ATXN7L1: variants seen among roughly 807,000 people sequenced by gnomAD.
ATXN7L1 encodes the protein ataxin-7-like protein 1.
ATXN7L1 carries 15 observed loss-of-function variants against 70.8 expected under a neutral mutation model. The ratio of observed to expected loss-of-function variants is 0.21; its 90% CI spans 0.14 to 0.33. The LOEUF (loss-of-function observed/expected upper bound fraction) is 0.33. ATXN7L1 is among the 10% of genes least tolerant of loss of function. ATXN7L1 has a pLI of 1.00. For synonymous variants in ATXN7L1, 440 were observed against 445.1 expected, an observed-to-expected ratio of 0.99 and a Z score of 0.14; for missense variants, 975 against 1,097.1, an observed-to-expected ratio of 0.89 and a Z score of 1.57.
chr7:105,872,349 CT>C (rs1251298432), intron 2 of ATXN7L1, among the ~76,000 whole-genome samples: 2 of 152,098 alleles, frequency 1.3e-5, no homozygotes, highest in Admixed American at 6.6e-5. Context: ...TGAGTTTAGT[CT>C]ATTAAAAATA....
chr7:105,865,463 G>A (rs895750756), intron 2 of ATXN7L1, among the ~76,000 whole-genome samples: 15 of 151,220 alleles, frequency 9.9e-5, no homozygotes, highest in South Asian at 6.3e-4. Context: ...GTGCAGTGGC[G>A]CGATCTCAGC....
intron 4 of ATXN7L1, among the ~76,000 whole-genome samples, chr7:105,646,513 G>A (rs1450658299): frequency 6.6e-6 from 1 of 152,104 alleles, no homozygotes; most frequent in East Asian, 1.9e-4. Context: ...GGCCTCTTGG[G>A]TTCAAGTGAT....
At chr7:105,821,468 G>A (rs1810150146) in intron 2 of ATXN7L1, among the ~76,000 whole-genome samples, 1 of 152,236 alleles carries the variant, frequency 6.6e-6, no homozygotes, top group South Asian at 2.1e-4. Flanking sequence ...CTAACCTCAG[G>A]AGAGTGGCTA....
intron 3 of ATXN7L1, among the ~76,000 whole-genome samples, chr7:105,785,639 C>T (rs557474270): frequency 2.0e-5 from 3 of 152,098 alleles, no homozygotes; most frequent in African/African-American, 4.8e-5. Context: ...TTGCGTCCCT[C>T]GCAAATTCCT....
At chr7:105,676,733 G>C (rs1009428943) in intron 3 of ATXN7L1, among the ~76,000 whole-genome samples, 2 of 152,014 alleles carry the variant, frequency 1.3e-5, no homozygotes, top group Non-Finnish European at 2.9e-5. Context: ...CCAGCTACTC[G>C]GGAGGCCGAG....
chr7:105,632,314 G>A (rs1796709019), intron 7 of ATXN7L1, among the ~76,000 whole-genome samples: 1 of 152,112 alleles, frequency 6.6e-6, no homozygotes, highest in Non-Finnish European at 1.5e-5. Context: ...GTATCTTGTG[G>A]TAAACAACCA....
intron 3 of ATXN7L1, among the ~76,000 whole-genome samples, chr7:105,728,936 T>C (rs991902080): frequency 6.6e-5 from 10 of 151,930 alleles, no homozygotes; most frequent in African/African-American, 2.4e-4. Context: ...AAAATAAAGA[T>C]CTATGAGTCC....
chr7:105,768,331 G>A (rs960133835), intron 3 of ATXN7L1, among the ~76,000 whole-genome samples: 22 of 152,204 alleles, frequency 1.4e-4, no homozygotes, highest in African/African-American at 5.3e-4. Flanking sequence ...AAGGTTGCAA[G>A]GGACTCCCAA....
At chr7:105,856,979 A>G (rs763923150) in intron 2 of ATXN7L1, among the ~76,000 whole-genome samples, 4 of 152,232 alleles carry the variant, frequency 2.6e-5, no homozygotes, top group Non-Finnish European at 5.9e-5. Context: ...GAGTGTGTCT[A>G]CAACTGGAAT....
Position 105,621,446 on chromosome 7 carries a change from G to C in ATXN7L1, c.1396-1125C>G, listed in dbSNP as rs1790054. Among the ~76,000 whole-genome samples the C allele has an allele frequency of 9.9e-3, 1,509 of 152,240 alleles. 16 individuals carry two copies. The highest frequency in any genetic ancestry group is 0.034 in the African/African-American group (1,424 of 41,528). On this transcript the variant is annotated intron_variant, in intron 8 of 11. Coordinates refer to ENST00000419735, the MANE Select transcript of ATXN7L1 (RefSeq NM_020725.2). ...ATTCGACTATCAGTGTATAGACAGG[G>C]GAGCCCATCCTCTTCCTTCTCCTTA...
chr7:105,700,824 G>A (rs1792358247), intron 3 of ATXN7L1, among the ~76,000 whole-genome samples: 2 of 152,074 alleles, frequency 1.3e-5, no homozygotes, highest in East Asian at 1.9e-4. Context: ...TGCGACTACA[G>A]GCGCACACTA....
chr7:105,754,569 T>G (rs12538850), intron 3 of ATXN7L1, among the ~76,000 whole-genome samples: 25,143 of 151,880 alleles, frequency 0.17, 2,452 homozygotes, highest in African/African-American at 0.27. Context: ...CAAGGGACCC[T>G]CCCACCTCAG....
Position 105,731,766 on chromosome 7 carries a change from A to AAGAAAAG in ATXN7L1, c.355+56831_355+56837dup, listed in dbSNP as rs368572655. On this transcript the variant is annotated intron_variant, in intron 3 of 11. Transcript: ENST00000419735. ...ACTCCTTAAAAAGAAAAGAAAAGAA[A>AAGAAAAG]AGAAAAGAAAAGAAAAGAAAAGAAA... Among the ~76,000 whole-genome samples, 42 of 147,798 alleles carry AAGAAAAG rather than the reference A, an allele frequency of 2.8e-4. 1 individual carries two copies. Among genetic ancestry groups the AAGAAAAG allele is most frequent in the Admixed American group, 6.1e-4 (9 of 14,876 alleles).
chr7:105,665,217 G>C lies in ATXN7L1; in HGVS notation c.427C>G (p.Leu143Val), dbSNP rs1415305899. 3 of 1,551,736 alleles carry C rather than the reference G, an allele frequency of 1.9e-6. No individual in the cohort carries two copies. In the South Asian group the frequency reaches 3.6e-5, roughly 18 times the overall value. The change falls in exon 4 of 12, where the codon CTA becomes GTA. Residue 143 changes from leucine (L) to valine (V), a missense_variant. By Grantham distance (32) the Leu-to-Val change is conservative. Transcript: ENST00000419735. ...VSPASNPRTS[L>V]VQVKTKACLS... ...CAGGCTTTTGTTTTCACCTGTACTA[G>C]TGATGTCCTGGGATTGGAGGCTGGA...
At chr7:105,697,301 C>G (rs919779481) in intron 3 of ATXN7L1, among the ~76,000 whole-genome samples, 1 of 151,874 alleles carries the variant, frequency 6.6e-6, no homozygotes, top group South Asian at 2.1e-4. Context: ...CCATAAGAGA[C>G]AGGTACGCCC....
intron 3 of ATXN7L1, among the ~76,000 whole-genome samples, chr7:105,667,685 C>A (rs1467996394): frequency 1.3e-5 from 1 of 78,192 alleles, no homozygotes; most frequent in Non-Finnish European, 2.5e-5. Flanking sequence ...GGCGACAGAG[C>A]GAGACTCCGT....
At chr7:105,758,613 G>C (rs2116405062) in intron 3 of ATXN7L1, among the ~76,000 whole-genome samples, 1 of 152,366 alleles carries the variant, frequency 6.6e-6, no homozygotes, top group South Asian at 2.1e-4. Context: ...CACTCTGAAA[G>C]GGGGCCCTCC....
chr7:105,753,489 G>C (rs1019930427), intron 3 of ATXN7L1, among the ~76,000 whole-genome samples: 1 of 152,164 alleles, frequency 6.6e-6, no homozygotes, highest in African/African-American at 2.4e-5. Flanking sequence ...TTTTTATTTA[G>C]ATATTTTGCT....
At chr7:105,610,989 C>T (rs1050372920) in intron 10 of ATXN7L1, among the ~76,000 whole-genome samples, 5 of 152,252 alleles carry the variant, frequency 3.3e-5, no homozygotes, top group African/African-American at 1.2e-4. Flanking sequence ...ATACCTCTGA[C>T]CCTCCGTCCC....
Sources: allele counts gnomAD v4.1 joint callset (sites outside exome capture counted in the v4.1 genomes callset), GRCh38; gene constraint gnomAD v4.1.1; transcripts MANE v1.5; gene names NCBI Gene and HGNC (gene_info 2026-07-23, HGNC 2026-07-21).